The following ABRACL variants were observed in gnomAD, a reference collection of about 807,000 sequenced individuals.
The protein encoded by ABRACL is ABRA C-terminal like, also known as costars family protein ABRACL.
ABRACL carries 4 observed loss-of-function variants against 7.0 expected under a neutral mutation model. The observed-to-expected ratio is 0.57, with a 90% CI of 0.28 to 1.30. The LOEUF (loss-of-function observed/expected upper bound fraction) is 1.30. ABRACL is among the 50% of genes most tolerant of loss of function. The pLI is 0.10. For synonymous variants in ABRACL, 30 were observed against 36.0 expected, an observed-to-expected ratio of 0.83 and a Z score of 0.60; for missense variants, 104 against 97.3, an observed-to-expected ratio of 1.07 and a Z score of -0.29.
chr6:139,042,957 T>C lies in ABRACL; in HGVS notation c.*54T>C. 1 of 1,424,674 alleles carries C rather than the reference T, an allele frequency of 7.0e-7. No homozygotes were observed. Among genetic ancestry groups the C allele is most frequent in the Non-Finnish European group, 9.5e-7 (1 of 1,053,666 alleles). The allele number at this position is 1,424,674 out of a possible 1,614,324, so 88.3% of individuals were successfully genotyped here. A position where few individuals can be genotyped will look rare whatever the true frequency, so the allele number is the denominator to read the frequency against. On this transcript the variant is annotated 3_prime_UTR_variant, in exon 3 of 3. Transcript: ENST00000367660. ...ATTTTTTGTTTCTGGTAAACTGGAA[T>C]ATAAAGTGAAAGAACAAACATTTGA...
chr6:139,034,312 C>G (rs745873738), intron 2 of ABRACL, 91 bp downstream of exon 2: 28 of 1,609,290 alleles, frequency 1.7e-5, no homozygotes, highest in Non-Finnish European at 2.3e-5. Context: ...AAGGGGTCAC[C>G]CAGGGCTTCA....
At chr6:139,040,077 T>A (rs1338084834) in intron 2 of ABRACL, among the ~76,000 whole-genome samples, 1 of 151,904 alleles carries the variant, frequency 6.6e-6, no homozygotes, top group Non-Finnish European at 1.5e-5. Context: ...GAGCAACAGA[T>A]CGACACCCTG....
chr6:139,035,392 T>A (rs1786138076), intron 2 of ABRACL, among the ~76,000 whole-genome samples: 1 of 152,206 alleles, frequency 6.6e-6, no homozygotes, highest in South Asian at 2.1e-4. Flanking sequence ...CTTCTAGAAG[T>A]TGCCTTGGCT....
chr6:139,029,286 A>C (rs1470005176), intron 1 of ABRACL, among the ~76,000 whole-genome samples: 3 of 152,054 alleles, frequency 2.0e-5, no homozygotes, highest in Admixed American at 6.5e-5. Context: ...TGGTGGCCTC[A>C]GGGCAGTGGA....
chr6:139,041,425 A>ATCTCTC (rs72110050), intron 2 of ABRACL, among the ~76,000 whole-genome samples: 96 of 117,254 alleles, frequency 8.2e-4, no homozygotes, highest in African/African-American at 1.9e-3. Flanking sequence ...CACCAGACCC[A>ATCTCTC]TCTCTCTCTC....
At chr6:139,035,075 TTG>T (rs1786133826) in intron 2 of ABRACL, among the ~76,000 whole-genome samples, 1 of 152,232 alleles carries the variant, frequency 6.6e-6, no homozygotes, top group African/African-American at 2.4e-5. Context: ...CTCTCAAGAT[TTG>T]TGTCATTATA....
At chr6:139,032,942 C>T (rs748445372) in intron 1 of ABRACL, among the ~76,000 whole-genome samples, 1 of 152,134 alleles carries the variant, frequency 6.6e-6, no homozygotes, top group Non-Finnish European at 1.5e-5. Flanking sequence ...GGGAGCTTAC[C>T]CTGTAGAAGT....
intron 2 of ABRACL, among the ~76,000 whole-genome samples, chr6:139,035,225 G>A (rs139767983): frequency 3.0e-4 from 45 of 152,160 alleles, no homozygotes; most frequent in African/African-American, 1.1e-3. Context: ...GTAACAGATT[G>A]CCACAAATTT....
intron 2 of ABRACL, among the ~76,000 whole-genome samples, chr6:139,038,731 A>G (rs1047524524): frequency 1.3e-5 from 2 of 152,186 alleles, no homozygotes; most frequent in African/African-American, 4.8e-5. Context: ...AGGTAGCTGA[A>G]AGACAGACAA....
intron 1 of ABRACL, among the ~76,000 whole-genome samples, chr6:139,033,190 A>G (rs1430818247): frequency 6.6e-6 from 1 of 152,228 alleles, no homozygotes; most frequent in African/African-American, 2.4e-5. Flanking sequence ...AGAGATTAAA[A>G]AGTCCCACAT....
chr6:139,033,189 A>T (rs1786106876), intron 1 of ABRACL, among the ~76,000 whole-genome samples: 1 of 152,214 alleles, frequency 6.6e-6, no homozygotes, highest in Non-Finnish European at 1.5e-5. Flanking sequence ...GAGAGATTAA[A>T]AAGTCCCACA....
At chr6:139,041,320 A>C (rs1405845369) in intron 2 of ABRACL, among the ~76,000 whole-genome samples, 1 of 150,452 alleles carries the variant, frequency 6.6e-6, no homozygotes, top group African/African-American at 2.4e-5. Flanking sequence ...GCTAGAGTGC[A>C]CTAGCACGAT....
chr6:139,041,291 T>A (rs1302808501), intron 2 of ABRACL, among the ~76,000 whole-genome samples: 1 of 150,236 alleles, frequency 6.7e-6, no homozygotes, highest in Non-Finnish European at 1.5e-5. Context: ...TGAGACAGGG[T>A]CTCAACTCTG....
intron 2 of ABRACL, among the ~76,000 whole-genome samples, chr6:139,042,024 G>A (rs1336366377): frequency 6.6e-6 from 1 of 152,160 alleles, no homozygotes; most frequent in African/African-American, 2.4e-5. Context: ...GGTAGGAAGA[G>A]GTCAGGGATT....
Position 139,043,025 on chromosome 6 carries a change from G to C in ABRACL, c.*122G>C, listed in dbSNP as rs1229026428. ...TTATAGAACTTTGTAAACGAAAGGA[G>C]ATTCATGTTTTAGAAGTCTGTCCTT... On this transcript the variant is annotated 3_prime_UTR_variant, in exon 3 of 3. Coordinates refer to ENST00000367660, the MANE Select transcript of ABRACL (RefSeq NM_021243.3). 8.7e-6 allele frequency: 7 copies of C among 800,254 alleles called. No homozygotes were observed. The Admixed American group carries it at 2.2e-4, about 25-fold the overall frequency. The allele number at this position is 800,254 out of a possible 1,614,324, so 49.6% of individuals were successfully genotyped here. A position where few individuals can be genotyped will look rare whatever the true frequency, so the allele number is the denominator to read the frequency against.
chr6:139,042,887 T>C lies in ABRACL; in HGVS notation c.230T>C (p.Ile77Thr). 1 of 1,610,146 alleles carries C rather than the reference T, an allele frequency of 6.2e-7. No individual in the cohort carries two copies. Among genetic ancestry groups the C allele is most frequent in the South Asian group, 1.1e-5 (1 of 89,988 alleles). The change falls in exon 3 of 3, where the codon ATA becomes ACA. Residue 77 changes from isoleucine to threonine, a missense_variant. Ile to Thr is a moderately conservative substitution (Grantham distance 89). Transcript: ENST00000367660. ...LQGVHDDVDIILLQD is the reference protein window; with the variant it reads ...LQGVHDDVDITLLQD ...GGTGTTCATGATGATGTTGACATTA[T>C]ATTACTGCAAGATTAATGTGGTTTA...
intron 2 of ABRACL, among the ~76,000 whole-genome samples, chr6:139,036,581 C>A (rs972529790): frequency 1.3e-5 from 2 of 152,160 alleles, no homozygotes. Flanking sequence ...TGAATCATAT[C>A]AGTTAATACT....
chr6:139,035,811 G>A (rs1464286391), intron 2 of ABRACL, among the ~76,000 whole-genome samples: 1 of 150,432 alleles, frequency 6.6e-6, no homozygotes, highest in Admixed American at 6.6e-5. Context: ...TTAGAGATGG[G>A]GTTTTACCAG....
chr6:139,042,694 C>T, intron 2 of ABRACL, 25 bp from the exon 3 acceptor site: 1 of 1,592,620 alleles, frequency 6.3e-7, no homozygotes, highest in Non-Finnish European at 8.6e-7. Flanking sequence ...TTTGCATTTG[C>T]TAACAATGTA....
Sources: gnomAD v4.1 joint callset for allele counts (sites outside exome capture counted in the v4.1 genomes callset) on GRCh38, gnomAD v4.1.1 for gene constraint, MANE v1.5 for transcripts, NCBI Gene and HGNC (gene_info 2026-07-23, HGNC 2026-07-21) for gene names.